Variants in CNTNAP2 observed in about 807,000 individuals in gnomAD.
The protein encoded by CNTNAP2 is contactin-associated protein-like 2.
In CNTNAP2, 98 loss-of-function variants were observed where a neutral mutation model predicts 155.2. The ratio of observed to expected loss-of-function variants is 0.63; its 90% confidence interval spans 0.54 to 0.75. The LOEUF (loss-of-function observed/expected upper bound fraction) is 0.75. Ranked by LOEUF, CNTNAP2 falls within the 30% of genes least tolerant of loss-of-function variation. CNTNAP2 has a pLI of 0.00. For missense variants in CNTNAP2, 1,727 were observed against 1,688.1 expected (o/e 1.02, Z -0.40); for synonymous variants, 651 against 631.2 (o/e 1.03, Z -0.47).
intron 3 of CNTNAP2, among the ~76,000 whole-genome samples, chr7:147,029,110 C>G (rs1563049964): frequency 6.6e-6 from 1 of 151,706 alleles, no homozygotes. Flanking sequence ...ACCACAGGCA[C>G]CCGCCACCAC....
chr7:146,446,121 A>G (rs1437291049), intron 1 of CNTNAP2, among the ~76,000 whole-genome samples: 4 of 152,198 alleles, frequency 2.6e-5, no homozygotes, highest in Non-Finnish European at 5.9e-5. Flanking sequence ...GCTGAAGGCA[A>G]GATTGCCCCA....
chr7:148,380,954 G>A (rs879833420), intron 21 of CNTNAP2, among the ~76,000 whole-genome samples: 2 of 152,256 alleles, frequency 1.3e-5, no homozygotes, highest in Admixed American at 6.5e-5. Flanking sequence ...GGCAGGAACT[G>A]GAGTGCATGA....
At chr7:146,500,794 G>C (rs1357950728) in intron 1 of CNTNAP2, among the ~76,000 whole-genome samples, 3 of 152,100 alleles carry the variant, frequency 2.0e-5, no homozygotes, top group Non-Finnish European at 2.9e-5. Context: ...TTTATGTGTT[G>C]TTCCTAATCT....
chr7:146,769,649 A>G (rs998364709), intron 1 of CNTNAP2, among the ~76,000 whole-genome samples: 4 of 152,178 alleles, frequency 2.6e-5, no homozygotes, highest in African/African-American at 9.7e-5. Context: ...ATTATATGGC[A>G]TCTGACACTC....
chr7:146,785,833 G>C (rs1351885434), intron 2 of CNTNAP2, among the ~76,000 whole-genome samples: 3 of 152,208 alleles, frequency 2.0e-5, no homozygotes, highest in Admixed American at 2.0e-4. Flanking sequence ...AGCTGATAAA[G>C]CATGCCTTTC....
intron 21 of CNTNAP2, among the ~76,000 whole-genome samples, chr7:148,355,268 G>T (rs150493871): frequency 7.7e-4 from 99 of 128,328 alleles, no homozygotes; most frequent in African/African-American, 2.8e-3. Context: ...TACAAGCTCC[G>T]CCTCCCAGGT....
At chr7:147,266,824 A>G (rs1804622146) in intron 8 of CNTNAP2, among the ~76,000 whole-genome samples, 1 of 152,100 alleles carries the variant, frequency 6.6e-6, no homozygotes, top group Admixed American at 6.6e-5. Flanking sequence ...TAAGTTTCCA[A>G]CTTATCTGTT....
At position 147,460,488 on chromosome 7, in the gene CNTNAP2, G is replaced by A. The variant is rs138095444; in HGVS notation, c.1671-25447G>A. Among the ~76,000 whole-genome samples, 34 of 152,202 alleles carry A rather than the reference G, an allele frequency of 2.2e-4. 1 individual carries two copies. Among genetic ancestry groups the A allele is most frequent in the African/African-American group, 6.3e-4 (26 of 41,518 alleles). On this transcript the variant is annotated intron_variant, in intron 10 of 23. Coordinates refer to ENST00000361727, the MANE Select transcript of CNTNAP2 (RefSeq NM_014141.6). ...AATCCTGCTTTGCTTAAACAGCTTT[G>A]GAAAGCTGTTTAATATATTTGGCCG...
chr7:147,616,696 T>C (rs1801300399), intron 12 of CNTNAP2, among the ~76,000 whole-genome samples: 1 of 152,152 alleles, frequency 6.6e-6, no homozygotes, highest in Non-Finnish European at 1.5e-5. Flanking sequence ...AAGCTTTTTT[T>C]CACAGAAGAT....
intron 1 of CNTNAP2, among the ~76,000 whole-genome samples, chr7:146,157,900 A>G (rs763734987): frequency 3.3e-5 from 5 of 152,202 alleles, no homozygotes; most frequent in Admixed American, 1.3e-4. Context: ...TTCTCCCAGC[A>G]TGGAGTTTGA....
intron 4 of CNTNAP2, among the ~76,000 whole-genome samples, chr7:147,088,568 T>C (rs987338367): frequency 7.9e-5 from 12 of 152,164 alleles, no homozygotes; most frequent in Non-Finnish European, 1.6e-4. Context: ...TTCTAAAATA[T>C]TATGTCATAT....
chr7:148,078,298 A>G (rs1803534693), intron 15 of CNTNAP2, among the ~76,000 whole-genome samples: 1 of 152,110 alleles, frequency 6.6e-6, no homozygotes, highest in Non-Finnish European at 1.5e-5. Context: ...TTCTGGCATC[A>G]AGTGATCTGC....
At chr7:147,633,665 A>C (rs1795128144) in intron 12 of CNTNAP2, among the ~76,000 whole-genome samples, 2 of 151,596 alleles carry the variant, frequency 1.3e-5, no homozygotes, top group South Asian at 4.1e-4. Context: ...GTTTCCCCAC[A>C]TCTTGTTGTT....
At chr7:148,409,638 C>T (rs554345087) in intron 23 of CNTNAP2, among the ~76,000 whole-genome samples, 167 bp downstream of exon 23, 4 of 151,908 alleles carry the variant, frequency 2.6e-5, no homozygotes, top group African/African-American at 9.7e-5. Flanking sequence ...TAAATATAGC[C>T]GGGCACAGTG....
At chr7:146,341,248 C>A (rs1490193605) in intron 1 of CNTNAP2, among the ~76,000 whole-genome samples, 1 of 152,102 alleles carries the variant, frequency 6.6e-6, no homozygotes, top group Non-Finnish European at 1.5e-5. Flanking sequence ...TAATTTGAAT[C>A]ATATTCAGAA....
chr7:146,474,949 T>C (rs1796852732), intron 1 of CNTNAP2, among the ~76,000 whole-genome samples: 1 of 151,932 alleles, frequency 6.6e-6, no homozygotes, highest in Non-Finnish European at 1.5e-5. Context: ...GGAGCTTAGA[T>C]CCCTAACCTG....
chr7:148,347,947 A>G (rs1012546902), intron 21 of CNTNAP2, among the ~76,000 whole-genome samples: 2 of 152,066 alleles, frequency 1.3e-5, no homozygotes. Context: ...CTCATCCCCA[A>G]CTTTCTTTTT....
At chr7:146,163,003 G>T (rs561368545) in intron 1 of CNTNAP2, among the ~76,000 whole-genome samples, 7 of 152,116 alleles carry the variant, frequency 4.6e-5, no homozygotes, top group Admixed American at 4.6e-4. Context: ...ACTGGGGTCT[G>T]TTGGGGGTTT....
At chr7:147,280,413 T>C (rs1219079350) in intron 8 of CNTNAP2, among the ~76,000 whole-genome samples, 1 of 151,994 alleles carries the variant, frequency 6.6e-6, no homozygotes, top group Non-Finnish European at 1.5e-5. Flanking sequence ...GTAGAAGTCA[T>C]GCTCAATAAA....
Sources: allele counts gnomAD v4.1 joint callset (sites outside exome capture counted in the v4.1 genomes callset), GRCh38; gene constraint gnomAD v4.1.1; transcripts MANE v1.5; gene names NCBI Gene and HGNC (gene_info 2026-07-23, HGNC 2026-07-21).